SLC23A2: variants seen among roughly 807,000 people sequenced by gnomAD.
The protein encoded by SLC23A2 is solute carrier family 23 member 2.
A neutral mutation model predicts 73.3 loss-of-function variants in SLC23A2; 36 were observed. The ratio of observed to expected loss-of-function variants is 0.49; its 90% CI spans 0.38 to 0.65. The LOEUF is 0.65. Ranked by LOEUF, SLC23A2 falls within the 30% of genes least tolerant of loss-of-function variation. SLC23A2 has a pLI of 0.00. For missense variants in SLC23A2, 507 were observed against 841.6 expected, an observed-to-expected ratio of 0.60 and a Z score of 4.92; for synonymous variants, 343 against 327.3, an observed-to-expected ratio of 1.05 and a Z score of -0.52.
rs565897375 is a variant in SLC23A2 at position 4,856,794 on chromosome 20, C to T, written c.*178G>A. On this transcript the variant is annotated 3_prime_UTR_variant, in exon 17 of 17. Transcript: ENST00000338244. The surrounding 1 kb of genome is among the most constrained non-coding windows in gnomAD (Gnocchi z 4.6). ...TTAAGGGCTTAAATAAGGAGATAGG[C>T]GAGACACCGCATCAGGCACCATCAC... is the stretch of plus-strand genomic sequence containing the variant. 1.7e-5 allele frequency: 10 copies of T among 589,998 alleles called. No homozygotes were observed. The highest frequency in any genetic ancestry group is 6.1e-5 in the Admixed American group (2 of 33,000). The allele number at this position is 589,998 out of a possible 1,614,324, so 36.5% of individuals were successfully genotyped here. A position where few individuals can be genotyped will look rare whatever the true frequency, so the allele number is the denominator to read the frequency against.
chr20:4,874,409 T>A (rs1930574529), intron 10 of SLC23A2, among the ~76,000 whole-genome samples, 167 bp downstream of exon 10: 1 of 152,142 alleles, frequency 6.6e-6, no homozygotes, highest in Admixed American at 6.5e-5. Flanking sequence ...CATTTCAGAA[T>A]CAGAATGTTT....
At chr20:4,914,843 C>G in intron 3 of SLC23A2, among the ~76,000 whole-genome samples, 1 of 152,068 alleles carries the variant, frequency 6.6e-6, no homozygotes. Context: ...GAGTTCGAGA[C>G]CAGCTGGCCA....
rs137956084 is a variant in SLC23A2, at chr20:4,863,994, C to T, written c.1357-1087G>A. The stretch of plus-strand genomic sequence containing the variant: ...CCTCTGTGTCTCAACGCAAAGGCCA[C>T]ACTTTGCCCCTGCCTATCCCCTGGG... On this transcript the variant is annotated intron_variant, in intron 13 of 16. Coordinates refer to ENST00000338244, the MANE Select transcript of SLC23A2 (RefSeq NM_005116.6). The surrounding 1 kb of genome is among the most constrained non-coding windows in gnomAD (Gnocchi z 4.8). 3.0e-4 allele frequency among the ~76,000 whole-genome samples: 45 copies of T among 152,266 alleles called. No individual in the cohort carries two copies. The highest frequency in any genetic ancestry group is 9.4e-4 in the African/African-American group (39 of 41,560).
chr20:4,962,145 T>A (rs1471955708), intron 2 of SLC23A2, among the ~76,000 whole-genome samples: 3 of 125,426 alleles, frequency 2.4e-5, no homozygotes, highest in African/African-American at 8.2e-5. Context: ...TGATATTATT[T>A]TAAAAAAAAA....
rs1267694600 is a variant in SLC23A2, at chr20:4,914,400, T to TA, written c.109-1423dup. Among the ~76,000 whole-genome samples, 9 of 151,850 alleles carry TA rather than the reference T, an allele frequency of 5.9e-5. No homozygotes were observed. The East Asian group carries it at 7.8e-4, about 13-fold the overall frequency. ...GGAAATAATTATTAAAATTTTATTT[T>TA]AAAAAAAACAAACTTAGAGGGAAAC... On this transcript the variant is annotated intron_variant, in intron 3 of 16. Transcript: ENST00000338244.
At chr20:4,886,047 A>C in intron 6 of SLC23A2, 138 bp from the exon 7 acceptor site, 1 of 585,168 alleles carries the variant, frequency 1.7e-6, no homozygotes, top group Admixed American at 3.2e-5. Flanking sequence ...AAAAAGCCCC[A>C]GTTTGCAAAG....
At chr20:4,954,351 T>C (rs1311596527) in intron 2 of SLC23A2, among the ~76,000 whole-genome samples, 5 of 152,168 alleles carry the variant, frequency 3.3e-5, no homozygotes, top group Non-Finnish European at 7.4e-5. Flanking sequence ...AGAGCATTTA[T>C]GAAAAGTCAC....
rs1349670625 is a variant in SLC23A2 at position 4,909,677 on chromosome 20, C to T, written c.207+3203G>A. On this transcript the variant is annotated intron_variant, in intron 4 of 16. Transcript: ENST00000338244. ...CAAGCAATTCTCTTGCCTCAGCCTCCCAAGTAGCTGGGATTACAGGCGAAT... is the reference window on the plus strand; with the variant it reads ...CAAGCAATTCTCTTGCCTCAGCCTCTCAAGTAGCTGGGATTACAGGCGAAT... Among the ~76,000 whole-genome samples, 3 of 152,088 alleles carry T rather than the reference C, an allele frequency of 2.0e-5. No individual in the cohort carries two copies. In the East Asian group the frequency reaches 5.8e-4, roughly 29 times the overall value.
At chr20:4,882,727 C>G (rs975832106) in intron 9 of SLC23A2, among the ~76,000 whole-genome samples, 3 of 152,162 alleles carry the variant, frequency 2.0e-5, no homozygotes, top group African/African-American at 7.2e-5. Context: ...TGTGCCTTAT[C>G]TGATACTATA....
At chr20:5,002,398 A>T (rs1474970252), upstream of SLC23A2, among the ~76,000 whole-genome samples, 5 of 152,174 alleles carry the variant, frequency 3.3e-5, no homozygotes, top group Non-Finnish European at 5.9e-5. Flanking sequence ...ACAATTTTTT[A>T]AATGTTCTAA....
At chr20:4,928,309 G>A (rs1397255268) in intron 3 of SLC23A2, among the ~76,000 whole-genome samples, 2 of 152,190 alleles carry the variant, frequency 1.3e-5, no homozygotes, top group Admixed American at 1.3e-4. Flanking sequence ...CCAGAGTGCT[G>A]AGATTACAGG....
chr20:4,996,562 C>T (rs1432057504), intron 1 of SLC23A2, among the ~76,000 whole-genome samples: 2 of 151,376 alleles, frequency 1.3e-5, no homozygotes, highest in Non-Finnish European at 2.9e-5. Flanking sequence ...GGTATGCACC[C>T]ATAATCCCAG....
chr20:4,912,848 G>A, intron 4 of SLC23A2, 32 bp downstream of exon 4: 1 of 1,358,348 alleles, frequency 7.4e-7, no homozygotes, highest in Non-Finnish European at 1.1e-6. Flanking sequence ...GATGGCGGTG[G>A]GAGTGGGGAC....
Position 4,919,046 on chromosome 20 carries a change from A to T in SLC23A2, c.109-6068T>A, listed in dbSNP as rs1932418045. On this transcript the variant is annotated intron_variant, in intron 3 of 16. Transcript: ENST00000338244. Reference sequence around the variant, plus strand: ...TTTACTGCAAGCTCCTTTACTATGAACATGAAAACTTTCCACCTACTTTCA... The same window carrying T: ...TTTACTGCAAGCTCCTTTACTATGATCATGAAAACTTTCCACCTACTTTCA... Among the ~76,000 whole-genome samples, 2 of 152,208 alleles carry T rather than the reference A, an allele frequency of 1.3e-5. 1 individual carries two copies. Among genetic ancestry groups the T allele is most frequent in the Admixed American group, 1.3e-4 (2 of 15,274 alleles).
chr20:4,968,001 A>C (rs751726640), intron 2 of SLC23A2, among the ~76,000 whole-genome samples: 16 of 152,202 alleles, frequency 1.1e-4, no homozygotes, highest in Non-Finnish European at 1.2e-4. Context: ...GATCATCTCA[A>C]GGCAAATGGA....
In SLC23A2 at chr20:4,857,013, T is replaced by C. The variant is rs765051969; in HGVS notation, c.1912A>G (p.Asn638Asp). The C allele has an allele frequency of 3.7e-6, 6 of 1,614,208 alleles. No homozygotes were observed. Among genetic ancestry groups the C allele is most frequent in the South Asian group, 1.1e-5 (1 of 91,084 alleles). The change falls in exon 17 of 17, where the codon AAC becomes GAC. Residue 638 changes from asparagine (N) to aspartate (D), a missense_variant. Asn to Asp is a conservative substitution (Grantham distance 23). Around this residue, in one of 5 missense-constraint regions of SLC23A2, gnomAD observed 168 missense variants for 302.3 expected, o/e 0.56. Transcript: ENST00000338244. This position sits in a 1 kb window ranked among gnomAD's most constrained non-coding sequence, Gnocchi z 4.0. Reference sequence around the variant, plus strand: ...GAGTCTTCATCTGAACTCCGGCTGTTGTCGCTCTTCCTGAGGCCTTTCCAT... The same window carrying C: ...GAGTCTTCATCTGAACTCCGGCTGTCGTCGCTCTTCCTGAGGCCTTTCCAT... ...YTWKGLRKSD[N>D]SRSSDEDSQA... is the part of the protein sequence containing the mutation.
chr20:4,975,316 G>A (rs924145116), intron 1 of SLC23A2, among the ~76,000 whole-genome samples: 1 of 152,004 alleles, frequency 6.6e-6, no homozygotes, highest in South Asian at 2.1e-4. Flanking sequence ...GCAGCGGTGA[G>A]TAAGAAAAAA....
intron 2 of SLC23A2, among the ~76,000 whole-genome samples, chr20:4,941,149 C>A (rs1412198882): frequency 6.6e-6 from 1 of 150,454 alleles, no homozygotes; most frequent in African/African-American, 2.5e-5. Context: ...GAGCAAGACT[C>A]TGTCTCAAAA....
intron 1 of SLC23A2, among the ~76,000 whole-genome samples, chr20:4,987,414 C>T (rs142837341): frequency 8.2e-4 from 125 of 152,152 alleles, no homozygotes; most frequent in African/African-American, 2.9e-3. Context: ...TGAAACTCCT[C>T]GCAGCAAGAA....
Sources: allele counts gnomAD v4.1 joint callset (sites outside exome capture counted in the v4.1 genomes callset), GRCh38; gene constraint gnomAD v4.1.1; regional missense constraint gnomAD v4.1.1; non-coding constraint Gnocchi (gnomAD v3.1); transcripts MANE v1.5; gene names NCBI Gene and HGNC (gene_info 2026-07-23, HGNC 2026-07-21).